The following ARHGAP32 variants were observed in gnomAD, a reference collection of about 807,000 sequenced individuals.
ARHGAP32 encodes rho GTPase-activating protein 32.
A neutral mutation model predicts 186.5 loss-of-function variants in ARHGAP32; 51 were observed. The ratio of observed to expected loss-of-function variants is 0.27; its 90% confidence interval spans 0.22 to 0.35. The LOEUF (loss-of-function observed/expected upper bound fraction) is 0.35, where lower values mean the gene tolerates loss of function less well. Among genes scored for constraint, ARHGAP32 ranks in the 10% least tolerant of loss-of-function variants. ARHGAP32 has a pLI of 1.00. For missense variants in ARHGAP32, 2,186 were observed against 2,623.5 expected (o/e 0.83, Z 3.64); for synonymous variants, 950 against 964.3 (o/e 0.99, Z 0.27).
intron 1 of ARHGAP32, among the ~76,000 whole-genome samples, chr11:129,222,575 T>C (rs559489873): frequency 6.6e-5 from 10 of 152,248 alleles, no homozygotes; most frequent in Admixed American, 2.0e-4. Flanking sequence ...TAAACTGATA[T>C]AGCAAAAGGG....
intron 1 of ARHGAP32, among the ~76,000 whole-genome samples, chr11:129,213,364 T>TA (rs1265961274): frequency 6.6e-6 from 1 of 152,186 alleles, no homozygotes; most frequent in East Asian, 1.9e-4. Flanking sequence ...CTATAGTAGT[T>TA]ACATTTTAAT....
intron 1 of ARHGAP32, among the ~76,000 whole-genome samples, chr11:129,202,323 G>A (rs1017936187): frequency 1.3e-5 from 2 of 152,030 alleles, no homozygotes; most frequent in African/African-American, 4.8e-5. Flanking sequence ...TCTTGAGTAG[G>A]TGGATGCTGT....
chr11:128,988,183 G>A (rs979224413), intron 12 of ARHGAP32, 58 bp from the exon 13 acceptor site: 44 of 1,294,534 alleles, frequency 3.4e-5, no homozygotes, highest in Middle Eastern at 3.8e-4. Context: ...AACCAAAGTT[G>A]CCAAAAAATA....
At position 129,189,966 on chromosome 11, in the gene ARHGAP32, T is replaced by C. The variant is rs185234988; in HGVS notation, c.116+2117A>G. Among the ~76,000 whole-genome samples, 30 of 152,282 alleles carry C rather than the reference T, an allele frequency of 2.0e-4. 1 individual carries two copies. Among genetic ancestry groups the C allele is most frequent in the Non-Finnish European group, 4.0e-4 (27 of 68,020 alleles). ...TGCATTTAAAATGTAGTTTACAAGC[T>C]ATTCAGGGAAAAAGAAAAGTGCACA... On this transcript the variant is annotated intron_variant, in intron 1 of 22. Transcript: ENST00000682385.
chr11:128,988,078 T>C lies in ARHGAP32; in HGVS notation c.1243A>G (p.Ile415Val). 6.2e-7 allele frequency: 1 copy of C among 1,612,916 alleles called. No individual in the cohort carries two copies. ...GAAAGGCGATAGATTCCATCCACGA[T>C]GCCATATCTCTCAATGAATGCTGTG... ...SCTAFIERYGIVDGIYRLSGV... is the reference protein window; with the variant it reads ...SCTAFIERYGVVDGIYRLSGV... The change falls in exon 13 of 23, where the codon ATC becomes GTC. Residue 415 changes from isoleucine (I) to valine (V), a missense_variant. By Grantham distance (29) the Ile-to-Val change is conservative (BLOSUM62 3). Transcript: ENST00000682385.
intron 1 of ARHGAP32, among the ~76,000 whole-genome samples, chr11:129,173,434 A>C (rs1943818475): frequency 6.6e-6 from 1 of 152,182 alleles, no homozygotes; most frequent in Admixed American, 6.5e-5. Flanking sequence ...ACTCCAAACA[A>C]TTAAAAAGGA....
intron 10 of ARHGAP32, among the ~76,000 whole-genome samples, chr11:129,042,874 G>A (rs1417742483): frequency 6.6e-6 from 1 of 152,150 alleles, no homozygotes; most frequent in African/African-American, 2.4e-5. Context: ...TTGGGGGGAT[G>A]AAGAAGTGAC....
At chr11:129,236,710 T>G (rs143577090) in intron 1 of ARHGAP32, among the ~76,000 whole-genome samples, 1 of 152,334 alleles carries the variant, frequency 6.6e-6, no homozygotes, top group African/African-American at 2.4e-5. Flanking sequence ...CAGGGACAGT[T>G]TGACTTCCTC....
At chr11:129,112,712 C>T (rs1160384172) in intron 5 of ARHGAP32, among the ~76,000 whole-genome samples, 1 of 152,132 alleles carries the variant, frequency 6.6e-6, no homozygotes, top group African/African-American at 2.4e-5. Flanking sequence ...CCATCCTTTG[C>T]TGGCATTAAA....
chr11:129,078,869 A>G (rs1226632993), intron 6 of ARHGAP32, among the ~76,000 whole-genome samples: 2 of 152,126 alleles, frequency 1.3e-5, no homozygotes, highest in Admixed American at 6.5e-5. Flanking sequence ...TAGAAATAAT[A>G]TAAGATATGG....
chr11:128,976,255 C>T (rs1014150137), intron 20 of ARHGAP32, among the ~76,000 whole-genome samples: 6 of 152,038 alleles, frequency 3.9e-5, no homozygotes, highest in Middle Eastern at 3.4e-3. Flanking sequence ...ATTGTAAAAT[C>T]TAAAGGAAAC....
At chr11:129,210,172 C>A (rs1279367343) in intron 1 of ARHGAP32, among the ~76,000 whole-genome samples, 1 of 152,184 alleles carries the variant, frequency 6.6e-6, no homozygotes, top group Non-Finnish European at 1.5e-5. Context: ...GCCAGAGAAG[C>A]ATTCATGTCA....
At chr11:129,115,169 A>G (rs1942331240) in intron 5 of ARHGAP32, among the ~76,000 whole-genome samples, 1 of 152,158 alleles carries the variant, frequency 6.6e-6, no homozygotes, top group Non-Finnish European at 1.5e-5. Flanking sequence ...TTTCTGTTGT[A>G]TAATATTATG....
chr11:129,041,097 T>C, intron 10 of ARHGAP32, 88 bp from the exon 11 acceptor site: 1 of 792,396 alleles, frequency 1.3e-6, no homozygotes, highest in Non-Finnish European at 2.1e-6. Context: ...TAATGTATTC[T>C]ACAGTCCCTC....
intron 6 of ARHGAP32, among the ~76,000 whole-genome samples, chr11:129,071,957 A>C (rs1292565247): frequency 6.6e-6 from 1 of 152,172 alleles, no homozygotes; most frequent in Non-Finnish European, 1.5e-5. Context: ...TAAGCCTGGC[A>C]AAAAAAGACA....
intron 1 of ARHGAP32, among the ~76,000 whole-genome samples, chr11:129,170,003 AAC>A (rs759857625): frequency 2.0e-5 from 3 of 152,158 alleles, no homozygotes; most frequent in East Asian, 1.9e-4. Flanking sequence ...TGATATAATG[AAC>A]ACAGTTATAA....
chr11:129,248,212 CAAAAA>C (rs61454534), intron 1 of ARHGAP32, among the ~76,000 whole-genome samples: 3 of 122,006 alleles, frequency 2.5e-5, no homozygotes, highest in Non-Finnish European at 5.2e-5. Flanking sequence ...TTGGCTGTCT[CAAAAA>C]AAAAAAAAAA....
At chr11:129,077,699 C>G (rs1037580403) in intron 6 of ARHGAP32, among the ~76,000 whole-genome samples, 4 of 152,136 alleles carry the variant, frequency 2.6e-5, no homozygotes, top group African/African-American at 9.7e-5. Context: ...CTTTCTCTAC[C>G]TGCCCTGGTA....
chr11:129,203,182 G>T (rs1187936945), intron 1 of ARHGAP32: 1 of 152,126 alleles, frequency 6.6e-6, no homozygotes, highest in Non-Finnish European at 1.5e-5. Context: ...AGATACATTC[G>T]AATCTAGTGA....
Sources: gnomAD v4.1 joint callset for allele counts (sites outside exome capture counted in the v4.1 genomes callset) on GRCh38, gnomAD v4.1.1 for gene constraint, MANE v1.5 for transcripts, NCBI Gene and HGNC (gene_info 2026-07-23, HGNC 2026-07-21) for gene names.